DZANK1: variants seen among roughly 807,000 people sequenced by gnomAD.
DZANK1 encodes the protein double zinc ribbon and ankyrin repeat-containing protein 1.
In DZANK1, 91 loss-of-function variants were observed where a neutral mutation model predicts 94.5. That is an observed-to-expected ratio of 0.96 (90% CI 0.81 to 1.15). DZANK1 has a LOEUF of 1.15. Among genes scored for constraint, DZANK1 ranks in the 50% most tolerant of loss-of-function variants. The pLI, the probability that DZANK1 is intolerant of heterozygous loss-of-function variation, is 0.00. For missense variants in DZANK1, 903 were observed against 916.4 expected (o/e 0.99, Z 0.19); for synonymous variants, 312 against 325.3 (o/e 0.96, Z 0.44).
intron 10 of DZANK1, among the ~76,000 whole-genome samples, chr20:18,423,197 A>G (rs1035419368): frequency 6.6e-6 from 1 of 152,212 alleles, no homozygotes; most frequent in Non-Finnish European, 1.5e-5. Context: ...GGTATGCAGT[A>G]GGCTATACCA....
chr20:18,459,184 T>C (rs2059390603), intron 3 of DZANK1, among the ~76,000 whole-genome samples: 1 of 152,260 alleles, frequency 6.6e-6, no homozygotes, highest in African/African-American at 2.4e-5. Context: ...ATAATTGAGA[T>C]GACTTACCTT....
chr20:18,433,575 A>T, intron 9 of DZANK1, 77 bp downstream of exon 9: 1 of 1,376,662 alleles, frequency 7.3e-7, no homozygotes, highest in Non-Finnish European at 1.0e-6. Context: ...CCATCCCACT[A>T]GCTGAAAAAG....
chr20:18,390,378 C>A lies in DZANK1; in HGVS notation c.1890+1G>T. ...AGACTGGCTCCTTTGGCAACACTTA[C>A]CTCATCCAGCAGCTGTTCAATCACA... On this transcript the variant is annotated splice_donor_variant, in intron 18 of 20. Coordinates refer to ENST00000262547, the Ensembl canonical transcript of DZANK1. LOFTEE classifies it high-confidence loss of function. 1.2e-6 allele frequency: 2 copies of A among 1,613,772 alleles called. No individual in the cohort carries two copies. Among genetic ancestry groups the A allele is most frequent in the Non-Finnish European group, 8.5e-7 (1 of 1,179,664 alleles).
In DZANK1 at chr20:18,443,458, G is replaced by A. The variant is rs147395910; in HGVS notation, c.636C>T (p.Ala212=). ...CTGATGGCCGGGGGGCAAGGCAGTGGGCACACCTACAACAAAACAGGTTCC... is the reference window on the plus strand; with the variant it reads ...CTGATGGCCGGGGGGCAAGGCAGTGAGCACACCTACAACAAAACAGGTTCC... The change falls in exon 8 of 21, where the codon GCC becomes GCT. Residue 212 remains alanine, a synonymous_variant. Coordinates refer to ENST00000262547, the Ensembl canonical transcript of DZANK1. The A allele has an allele frequency of 1.7e-5, 25 of 1,464,724 alleles. 1 individual carries two copies. The East Asian group carries it at 5.6e-4, about 33-fold the overall frequency. 90.7% of individuals were successfully genotyped at this position (1,464,724 alleles called of 1,614,324 possible).
At chr20:18,440,647 C>A (rs1015578940) in intron 8 of DZANK1, among the ~76,000 whole-genome samples, 4 of 152,138 alleles carry the variant, frequency 2.6e-5, no homozygotes, top group African/African-American at 7.2e-5. Flanking sequence ...GGAGAATAAA[C>A]ATCCCCTTTC....
intron 15 of DZANK1, 81 bp downstream of exon 15, chr20:18,396,391 T>G (rs2148253938): frequency 8.4e-7 from 1 of 1,192,820 alleles, no homozygotes; most frequent in East Asian, 2.4e-5. Flanking sequence ...TTCTATGGAT[T>G]ACACAGAAGC....
intron 8 of DZANK1, among the ~76,000 whole-genome samples, chr20:18,434,577 C>T (rs978746349): frequency 6.8e-5 from 10 of 146,172 alleles, no homozygotes; most frequent in African/African-American, 2.3e-4. Flanking sequence ...AGGAATCACA[C>T]AGTCAGATAC....
intron 19 of DZANK1, among the ~76,000 whole-genome samples, chr20:18,387,706 C>T (rs2076642): frequency 0.15 from 22,827 of 152,218 alleles, 2,186 homozygotes; most frequent in Non-Finnish European, 0.21. Flanking sequence ...TGAATTTCTC[C>T]TGGCCATTCC....
At chr20:18,460,452 C>G (rs2059436159) in intron 2 of DZANK1, 146 bp from the exon 3 acceptor site, 3 of 673,732 alleles carry the variant, frequency 4.5e-6, no homozygotes, top group Non-Finnish European at 6.7e-6. Flanking sequence ...TGACTTAGGA[C>G]AGGCATGTGG....
In DZANK1 at chr20:18,453,764, G is replaced by A. The variant is rs192931661; in HGVS notation, c.442C>T (p.Arg148Cys). 491 of 1,612,774 alleles carry A rather than the reference G, an allele frequency of 3.0e-4. No homozygotes were observed. In the African/African-American group the frequency reaches 3.1e-3, roughly 10 times the overall value. Residue 148 changes from arginine (R) to cysteine (C), a missense_variant, in exon 5 of 21, where the codon CGC becomes TGC. Arg to Cys is a radical substitution (Grantham distance 180). Transcript: ENST00000262547. ...TTTCTAAGGTTAACATTCCAGCTGC[G>A]TTGATTTTCAGAGTTCTTATATTTT...
At chr20:18,400,953 T>G (rs959255571) in intron 13 of DZANK1, among the ~76,000 whole-genome samples, 3 of 152,182 alleles carry the variant, frequency 2.0e-5, no homozygotes, top group Non-Finnish European at 4.4e-5. Flanking sequence ...TCTTTTTTTT[T>G]TAGACGGAGT....
At chr20:18,437,280 A>G (rs1372302767) in intron 8 of DZANK1, among the ~76,000 whole-genome samples, 1 of 152,264 alleles carries the variant, frequency 6.6e-6, no homozygotes, top group Admixed American at 6.5e-5. Context: ...AGCAATGTTA[A>G]GAAAAAGAAA....
rs538064829 is a variant in DZANK1 at position 18,455,350 on chromosome 20, T to C, written c.275A>G (p.Gln92Arg). ...AAACACCTTTGTCACAATGCCACTC[T>C]GTCTGCAGTCTCTGAAAATTATTAT... Residue 92 changes from glutamine (Q) to arginine (R), a missense_variant, in exon 4 of 21, where the codon CAG (glutamine) becomes CGG (arginine). Coordinates refer to ENST00000262547, the Ensembl canonical transcript of DZANK1. 5 of 1,601,716 alleles carry C rather than the reference T, an allele frequency of 3.1e-6. No individual in the cohort carries two copies. In the East Asian group the frequency reaches 1.1e-4, roughly 36 times the overall value.
At chr20:18,394,926 C>A (rs146224068) in intron 15 of DZANK1, 1 of 455,720 alleles carries the variant, frequency 2.2e-6, no homozygotes, top group African/African-American at 2.0e-5. Context: ...GTAAAATGGG[C>A]GTCTACATAA....
intron 13 of DZANK1, among the ~76,000 whole-genome samples, chr20:18,411,899 T>C (rs1033883378): frequency 6.6e-6 from 1 of 152,120 alleles, no homozygotes; most frequent in African/African-American, 2.4e-5. Flanking sequence ...CGTTGCTGCA[T>C]CCTCCAAAGG....
chr20:18,419,331 G>A (rs1369132504), intron 10 of DZANK1, among the ~76,000 whole-genome samples: 2 of 151,944 alleles, frequency 1.3e-5, no homozygotes, highest in Admixed American at 6.6e-5. Context: ...CAACAGGTGT[G>A]TACATGGACT....
intron 2 of DZANK1, among the ~76,000 whole-genome samples, chr20:18,460,851 C>T (rs1568558536): frequency 6.6e-6 from 1 of 152,178 alleles, no homozygotes; most frequent in Non-Finnish European, 1.5e-5. Flanking sequence ...TTTCTCTGTA[C>T]CAGCATTGTG....
At chr20:18,453,634 A>G (rs1384014990) in intron 5 of DZANK1, 97 bp downstream of exon 5, 1 of 845,636 alleles carries the variant, frequency 1.2e-6, no homozygotes, top group African/African-American at 1.7e-5. Flanking sequence ...TCTTATTCCA[A>G]CACTTCTCCA....
At chr20:18,431,011 G>A (rs1206787218) in intron 9 of DZANK1, among the ~76,000 whole-genome samples, 2 of 152,092 alleles carry the variant, frequency 1.3e-5, no homozygotes, top group East Asian at 3.9e-4. Context: ...GACACTCTAA[G>A]CTGCTAACGT....
Sources: gnomAD v4.1 joint callset for allele counts (sites outside exome capture counted in the v4.1 genomes callset) on GRCh38, gnomAD v4.1.1 for gene constraint, MANE v1.5 for transcripts, NCBI Gene and HGNC (gene_info 2026-07-23, HGNC 2026-07-21) for gene names.